TFAP2B: variants seen among roughly 807,000 people sequenced by gnomAD.
TFAP2B encodes transcription factor AP-2 beta, also known as transcription factor AP-2-beta.
Under a neutral mutation model 44.3 loss-of-function variants are expected in TFAP2B, and 9 were observed. The observed-to-expected ratio is 0.20, with a 90% confidence interval of 0.12 to 0.35. The LOEUF (loss-of-function observed/expected upper bound fraction) is 0.35, where lower values mean the gene tolerates loss of function less well. Ranked by LOEUF, TFAP2B falls within the 10% of genes least tolerant of loss-of-function variation. The probability of loss-of-function intolerance (pLI) is 1.00; values close to 1 mark genes in which losing one functional copy is unlikely to be tolerated. For synonymous variants in TFAP2B, 270 were observed against 263.8 expected (o/e 1.02, Z -0.23); for missense variants, 509 against 600.0 (o/e 0.85, Z 1.59).
At chr6:50,822,392 C>T (rs991577850) in intron 1 of TFAP2B, among the ~76,000 whole-genome samples, 1 of 151,890 alleles carries the variant, frequency 6.6e-6, no homozygotes, top group Non-Finnish European at 1.5e-5. Flanking sequence ...GGGGAGAGGC[C>T]GAAAAGAAAA....
At chr6:50,838,351 C>A (rs1370747924) in intron 5 of TFAP2B, among the ~76,000 whole-genome samples, 1 of 152,176 alleles carries the variant, frequency 6.6e-6, no homozygotes, top group African/African-American at 2.4e-5. Context: ...CAAGACAAAG[C>A]AGGGGTCACT....
intron 6 of TFAP2B, 93 bp from the exon 7 acceptor site, chr6:50,842,999 C>A: frequency 6.5e-7 from 1 of 1,539,806 alleles, no homozygotes; most frequent in Non-Finnish European, 9.0e-7. Context: ...TTCGGTGACC[C>A]GGCGCCTCTG....
chr6:50,831,778 C>G (rs1185750172), intron 3 of TFAP2B, among the ~76,000 whole-genome samples: 1 of 152,084 alleles, frequency 6.6e-6, no homozygotes, highest in Non-Finnish European at 1.5e-5. Context: ...CAATAAGAAG[C>G]CAATATGCAA....
chr6:50,818,673 T>C, upstream of TFAP2B: 1 of 550,698 alleles, frequency 1.8e-6, no homozygotes, highest in Non-Finnish European at 3.2e-6. Flanking sequence ...ATGATTTTTA[T>C]AGTATATATG....
Position 50,843,143 on chromosome 6 carries a change from A to G in TFAP2B, c.1134A>G (p.Ile378Met), listed in dbSNP as rs1255960995. The G allele has an allele frequency of 3.1e-6, 5 of 1,614,128 alleles. No individual in the cohort carries two copies. In the African/African-American group the frequency reaches 6.7e-5, roughly 22 times the overall value. ...TACTGGCGCAGGACCGGACACCGAT[A>G]GGGAACAGCCGACCCAGCCCCATCC... ...TDLLAQDRTP[I>M]GNSRPSPILE... Residue 378 changes from isoleucine to methionine, a missense_variant, in exon 7 of 7, where the codon ATA becomes ATG. Physicochemically the swap from Ile to Met is conservative, Grantham distance 10 (BLOSUM62 1). Around this residue, in one of 3 missense-constraint regions of TFAP2B, gnomAD observed 168 missense variants for 183.2 expected, o/e 0.92. Transcript: ENST00000393655.
rs3857595 is a variant in TFAP2B at position 50,846,477 on chromosome 6, C to G, written c.*3085C>G. The G allele has an allele frequency of 2.0e-5, 3 of 152,692 alleles. No individual in the cohort carries two copies. Among genetic ancestry groups the G allele is most frequent in the African/African-American group, 7.2e-5 (3 of 41,450 alleles). 9.5% of individuals were successfully genotyped at this position (152,692 alleles called of 1,614,324 possible). Reference sequence around the variant, plus strand: ...TGAGTTGCAGCTCTCCCCCCGGCCCCTGCACTCTTCAGACATTTGGTCCCT... The same window carrying G: ...TGAGTTGCAGCTCTCCCCCCGGCCCGTGCACTCTTCAGACATTTGGTCCCT... On this transcript the variant is annotated 3_prime_UTR_variant, in exon 7 of 7. Coordinates refer to ENST00000393655, the MANE Select transcript of TFAP2B (RefSeq NM_003221.4).
intron 6 of TFAP2B, among the ~76,000 whole-genome samples, chr6:50,842,004 C>T (rs1762742720): frequency 6.6e-6 from 1 of 152,200 alleles, no homozygotes; most frequent in South Asian, 2.1e-4. Flanking sequence ...CAATCACCTG[C>T]CCTGTTTACC....
chr6:50,819,892 A>G (rs1770285183), intron 1 of TFAP2B, among the ~76,000 whole-genome samples: 1 of 151,466 alleles, frequency 6.6e-6, no homozygotes, highest in Non-Finnish European at 1.5e-5. Context: ...GAGGCGGGCG[A>G]GGCGCGGGGC....
At chr6:50,835,062 A>G (rs900442653) in intron 3 of TFAP2B, among the ~76,000 whole-genome samples, 1 of 152,202 alleles carries the variant, frequency 6.6e-6, no homozygotes, top group Non-Finnish European at 1.5e-5. Flanking sequence ...CATGCAGATG[A>G]CACTGAAACA....
intron 4 of TFAP2B, among the ~76,000 whole-genome samples, chr6:50,836,725 T>C (rs1177462498): frequency 6.6e-6 from 1 of 152,126 alleles, no homozygotes; most frequent in Non-Finnish European, 1.5e-5. Context: ...GTGTACTCTT[T>C]CTCTTTTATT....
At chr6:50,832,166 C>T (rs2113943751) in intron 3 of TFAP2B, among the ~76,000 whole-genome samples, 2 of 152,334 alleles carry the variant, frequency 1.3e-5, no homozygotes, top group South Asian at 4.1e-4. Context: ...CCAGGTTGGA[C>T]TTGGATCCCA....
At chr6:50,837,766 AG>A (rs1426562874) in intron 4 of TFAP2B, among the ~76,000 whole-genome samples, 1 of 149,304 alleles carries the variant, frequency 6.7e-6, no homozygotes. Context: ...AGATAAAAAA[AG>A]AACACTCAGT....
chr6:50,837,095 C>T (rs909656652), intron 4 of TFAP2B, among the ~76,000 whole-genome samples: 6 of 152,154 alleles, frequency 3.9e-5, no homozygotes, highest in African/African-American at 1.2e-4. Flanking sequence ...CCAAGATGAC[C>T]CCTTCTGGGG....
chr6:50,841,902 C>G (rs944496802), intron 6 of TFAP2B, among the ~76,000 whole-genome samples: 3 of 152,202 alleles, frequency 2.0e-5, no homozygotes, highest in African/African-American at 7.2e-5. Flanking sequence ...AACAGTTTAG[C>G]TTCTGTGACT....
intron 4 of TFAP2B, among the ~76,000 whole-genome samples, chr6:50,837,257 T>G (rs1762641641): frequency 1.3e-5 from 2 of 152,170 alleles, no homozygotes; most frequent in Admixed American, 1.3e-4. Context: ...CCCAGGAACT[T>G]TCTCATTTTG....
At chr6:50,823,903 C>A in intron 2 of TFAP2B, 38 bp downstream of exon 2, 1 of 1,531,464 alleles carries the variant, frequency 6.5e-7, no homozygotes, top group South Asian at 1.2e-5. Context: ...CAAAAAAGAC[C>A]ACGAATAAGG....
intron 3 of TFAP2B, among the ~76,000 whole-genome samples, chr6:50,835,843 T>A (rs1302215592): frequency 6.6e-6 from 1 of 152,230 alleles, no homozygotes; most frequent in Non-Finnish European, 1.5e-5. Context: ...GACACTCATA[T>A]GTCTACACAC....
intron 1 of TFAP2B, among the ~76,000 whole-genome samples, chr6:50,819,826 A>G (rs1214326672): frequency 6.6e-6 from 1 of 151,964 alleles, no homozygotes; most frequent in East Asian, 2.0e-4. Flanking sequence ...GACTAGGCGG[A>G]CGAGGCGGCC....
chr6:50,840,987 G>A (rs895202349), intron 6 of TFAP2B, among the ~76,000 whole-genome samples: 1 of 152,232 alleles, frequency 6.6e-6, no homozygotes, highest in African/African-American at 2.4e-5. Flanking sequence ...AAACAGCCGC[G>A]CTCATTTATT....
Sources: allele counts gnomAD v4.1 joint callset (sites outside exome capture counted in the v4.1 genomes callset), GRCh38; gene constraint gnomAD v4.1.1; regional missense constraint gnomAD v4.1.1; transcripts MANE v1.5; gene names NCBI Gene and HGNC (gene_info 2026-07-23, HGNC 2026-07-21).